The following NPAS3 variants were observed in gnomAD, a reference collection of about 807,000 sequenced individuals.
NPAS3 encodes neuronal PAS domain protein 3, also known as neuronal PAS domain-containing protein 3.
NPAS3 carries 14 observed loss-of-function variants against 73.1 expected under a neutral mutation model. The observed-to-expected ratio is 0.19, with a 90% CI of 0.13 to 0.30. The LOEUF (loss-of-function observed/expected upper bound fraction) is 0.30, where lower values mean the gene tolerates loss of function less well. Ranked by LOEUF, NPAS3 falls within the 10% of genes least tolerant of loss-of-function variation. The pLI is 1.00. For missense variants in NPAS3, 1,096 were observed against 1,250.0 expected (o/e 0.88, Z 1.86); for synonymous variants, 620 against 541.5 (o/e 1.14, Z -2.01).
chr14:33,513,551 G>C (rs998278840), intron 4 of NPAS3, among the ~76,000 whole-genome samples: 4 of 152,000 alleles, frequency 2.6e-5, no homozygotes, highest in African/African-American at 9.7e-5. Context: ...TAAAAATAGA[G>C]CTGCACCTTA....
chr14:33,561,129 G>A (rs984023147), intron 5 of NPAS3, among the ~76,000 whole-genome samples: 21 of 152,168 alleles, frequency 1.4e-4, no homozygotes, highest in Non-Finnish European at 3.1e-4. Flanking sequence ...TCTACCGCTC[G>A]TTCAGTTGCC....
chr14:33,284,799 T>G (rs1460550465), intron 3 of NPAS3, among the ~76,000 whole-genome samples: 1 of 142,470 alleles, frequency 7.0e-6, no homozygotes, highest in Non-Finnish European at 1.5e-5. Flanking sequence ...TATCTATCTA[T>G]CTATCTATCT....
intron 1 of NPAS3, among the ~76,000 whole-genome samples, chr14:33,034,513 C>T (rs1315816724): frequency 6.6e-6 from 1 of 150,898 alleles, no homozygotes; most frequent in Non-Finnish European, 1.5e-5. Context: ...TTAATATATA[C>T]CATATATTAA....
chr14:32,955,796 A>T (rs1435515421), intron 1 of NPAS3, among the ~76,000 whole-genome samples: 1 of 152,132 alleles, frequency 6.6e-6, no homozygotes, highest in Non-Finnish European at 1.5e-5. Context: ...AAAAATCTAC[A>T]AGCACGCATA....
chr14:33,024,971 T>C (rs1415548898), intron 1 of NPAS3, among the ~76,000 whole-genome samples: 1 of 152,244 alleles, frequency 6.6e-6, no homozygotes, highest in African/African-American at 2.4e-5. Context: ...CCTATAGCTA[T>C]GCTTTCTAAA....
intron 1 of NPAS3, among the ~76,000 whole-genome samples, chr14:32,993,008 T>C (rs1391100218): frequency 6.6e-6 from 1 of 151,660 alleles, no homozygotes; most frequent in Non-Finnish European, 1.5e-5. Context: ...TACAAAAAAT[T>C]AGCTGGGTGT....
intron 2 of NPAS3, among the ~76,000 whole-genome samples, chr14:33,173,933 G>A (rs2045490033): frequency 6.6e-6 from 1 of 152,074 alleles, no homozygotes; most frequent in Non-Finnish European, 1.5e-5. Context: ...TTTGATGAAT[G>A]GACAGAAATT....
At chr14:33,101,426 T>C (rs1451067413) in intron 2 of NPAS3, among the ~76,000 whole-genome samples, 1 of 152,182 alleles carries the variant, frequency 6.6e-6, no homozygotes, top group African/African-American at 2.4e-5. Context: ...CAATAACTTG[T>C]AGTAAACCCT....
At chr14:32,993,149 CAAA>C (rs538579532) in intron 1 of NPAS3, among the ~76,000 whole-genome samples, 8 of 92,066 alleles carry the variant, frequency 8.7e-5, no homozygotes, top group Non-Finnish European at 9.0e-5. Context: ...AACTTCGTCT[CAAA>C]AAAAAAAAAA....
At chr14:33,486,325 A>G (rs1428993705) in intron 4 of NPAS3, among the ~76,000 whole-genome samples, 2 of 151,732 alleles carry the variant, frequency 1.3e-5, no homozygotes, top group African/African-American at 4.8e-5. Context: ...ATCTGTCTTG[A>G]TTTTCCTTCA....
intron 7 of NPAS3, among the ~76,000 whole-genome samples, chr14:33,771,200 A>G (rs542180373): frequency 2.0e-5 from 3 of 152,322 alleles, no homozygotes; most frequent in Admixed American, 6.5e-5. Flanking sequence ...TCACCTGAGG[A>G]AAAAAAGCTC....
intron 5 of NPAS3, among the ~76,000 whole-genome samples, chr14:33,605,187 A>G (rs2057517625): frequency 6.6e-6 from 1 of 152,024 alleles, no homozygotes; most frequent in Non-Finnish European, 1.5e-5. Flanking sequence ...GTAGGAATAA[A>G]ATAGAACTTC....
chr14:33,326,492 C>T (rs2043712876), intron 3 of NPAS3, among the ~76,000 whole-genome samples: 1 of 152,106 alleles, frequency 6.6e-6, no homozygotes, highest in Admixed American at 6.6e-5. Flanking sequence ...GAAATGGGGA[C>T]CAATAAAGCT....
At chr14:33,163,193 A>G (rs1426498364) in intron 2 of NPAS3, among the ~76,000 whole-genome samples, 2 of 152,186 alleles carry the variant, frequency 1.3e-5, no homozygotes, top group Non-Finnish European at 2.9e-5. Context: ...AATTACCTCA[A>G]GGTGTTTAGT....
chr14:33,132,325 G>C (rs926245584), intron 2 of NPAS3, among the ~76,000 whole-genome samples: 1 of 152,178 alleles, frequency 6.6e-6, no homozygotes, highest in South Asian at 2.1e-4. Flanking sequence ...GACAAACTTA[G>C]GGAGGCAAGG....
At chr14:33,083,572 A>G (rs969551890) in intron 2 of NPAS3, among the ~76,000 whole-genome samples, 3 of 152,192 alleles carry the variant, frequency 2.0e-5, no homozygotes, top group African/African-American at 7.2e-5. Context: ...CAGTGCAGGA[A>G]GAGGAGGTGC....
chr14:33,000,758 G>T (rs2038777450), intron 1 of NPAS3, among the ~76,000 whole-genome samples: 1 of 152,192 alleles, frequency 6.6e-6, no homozygotes, highest in Non-Finnish European at 1.5e-5. Flanking sequence ...GTGCTATGGA[G>T]TTGGGAAAAT....
intron 6 of NPAS3, among the ~76,000 whole-genome samples, chr14:33,723,714 CAAAA>C (rs10577101): frequency 2.8e-5 from 4 of 143,820 alleles, no homozygotes; most frequent in African/African-American, 2.6e-5. Context: ...TACTTCCTCT[CAAAA>C]AAAAAAAAAA....
At chr14:33,486,752 GC>G (rs1212210360) in intron 4 of NPAS3, among the ~76,000 whole-genome samples, 4 of 152,296 alleles carry the variant, frequency 2.6e-5, no homozygotes, top group Admixed American at 2.6e-4. Flanking sequence ...CCTCAGGCAG[GC>G]CTGGGGACTC....
Sources: gnomAD v4.1 joint callset for allele counts (sites outside exome capture counted in the v4.1 genomes callset) on GRCh38, gnomAD v4.1.1 for gene constraint, MANE v1.5 for transcripts, NCBI Gene and HGNC (gene_info 2026-07-23, HGNC 2026-07-21) for gene names.